The following USP9X variants were observed in gnomAD, a reference collection of about 807,000 sequenced individuals.
The protein encoded by USP9X is ubiquitin specific peptidase 9 X-linked.
Under a neutral mutation model 190.3 loss-of-function variants are expected in USP9X, and 7 were observed. The observed-to-expected ratio is 0.04, with a 90% CI of 0.02 to 0.07. The LOEUF (loss-of-function observed/expected upper bound fraction) is 0.07. Ranked by LOEUF, USP9X falls within the 10% of genes least tolerant of loss-of-function variation. The probability of loss-of-function intolerance (pLI) is 1.00; values close to 1 mark genes in which losing one functional copy is unlikely to be tolerated. For missense variants in USP9X, 1,010 were observed against 1,916.9 expected, an observed-to-expected ratio of 0.53 and a Z score of 8.83; for synonymous variants, 645 against 659.5, an observed-to-expected ratio of 0.98 and a Z score of 0.34.
chrX:41,145,836 G>A (rs2062459462), intron 11 of USP9X, among the ~76,000 whole-genome samples: 1 of 111,659 alleles, frequency 9.0e-6, no homozygotes, highest in Admixed American at 9.5e-5. Context: ...AAGCCCAAGA[G>A]TCTGTATTTT....
rs769975681 is a variant in USP9X at position 41,186,499 on chromosome X, A to G, written c.3559-18A>G. ...GTACAAATTATTTACTCCAAATAAA[A>G]TGGTTAACTTTTTTCAGATCAACCA... On this transcript the variant is annotated intron_variant, in intron 23 of 44. Transcript: ENST00000378308. 2.5e-6 allele frequency: 3 copies of G among 1,210,246 alleles called. No individual in the cohort carries two copies. The highest frequency in any genetic ancestry group is 1.1e-6 in the Non-Finnish European group (1 of 894,309).
intron 1 of USP9X, among the ~76,000 whole-genome samples, chrX:41,112,544 T>C (rs911041112): frequency 8.9e-6 from 1 of 111,979 alleles, no homozygotes; most frequent in African/African-American, 3.2e-5. Flanking sequence ...CTGTTGTGCT[T>C]GATACACAAG....
chrX:41,163,734 C>CA lies in USP9X; in HGVS notation c.1985+873dup, dbSNP rs771852864. Among the ~76,000 whole-genome samples the CA allele has an allele frequency of 3.2e-3, 256 of 79,360 alleles. 1 individual carries two copies. The highest frequency in any genetic ancestry group is 0.015 in the East Asian group (37 of 2,462). The allele number at this position is 79,360 out of a possible 115,157, so 68.9% of individuals were successfully genotyped here. On this transcript the variant is annotated intron_variant, in intron 15 of 44. Coordinates refer to ENST00000378308, the MANE Select transcript of USP9X (RefSeq NM_001039591.3). ...CACCACTGCACTCCAGACCCTGTCT[C>CA]AAAAAAAAAAAAAAAATTTTTTTTT...
intron 31 of USP9X, 178 bp from the exon 32 acceptor site, chrX:41,205,125 A>G (rs754314823): frequency 2.6e-6 from 1 of 385,675 alleles, no homozygotes; most frequent in Non-Finnish European, 4.4e-6. Context: ...TTTGGTTATG[A>G]TAACTAATAT....
At chrX:41,207,577 C>G (rs1215782458) in intron 32 of USP9X, among the ~76,000 whole-genome samples, 1 of 111,584 alleles carries the variant, frequency 9.0e-6, no homozygotes, top group Admixed American at 9.5e-5. Context: ...ATGCACTGTG[C>G]TAAAATAACT....
chrX:41,205,180 T>C (rs2063080202), intron 31 of USP9X, 123 bp from the exon 32 acceptor site: 1 of 540,294 alleles, frequency 1.9e-6, no homozygotes, highest in African/African-American at 2.4e-5. Flanking sequence ...AATTTATAAA[T>C]TGAAAAGTGC....
chrX:41,224,941 C>T lies in USP9X; in HGVS notation c.6951C>T (p.Val2317=), dbSNP rs745689702. The change falls in exon 40 of 45, where the codon GTC becomes GTT. Residue 2317 remains valine, a synonymous_variant. Coordinates refer to ENST00000378308, the MANE Select transcript of USP9X (RefSeq NM_001039591.3). ...AGAATCCTCAGTTCTCATCTACTGT[C>T]CTCAGTGAACTTCTCTGGCAGGTAA... ...CWENPQFSST[V]LSELLWQVAY... is the part of the protein sequence containing the mutation. 1.7e-5 allele frequency: 21 copies of T among 1,210,411 alleles called. No individual in the cohort carries two copies. In the Admixed American group the frequency reaches 4.6e-4, roughly 26 times the overall value.
chrX:41,098,958 C>T (rs1275694391), intron 1 of USP9X, among the ~76,000 whole-genome samples: 2 of 109,597 alleles, frequency 1.8e-5, no homozygotes, highest in Admixed American at 2.0e-4. Flanking sequence ...CAGGGTCTTG[C>T]TCTATCACTC....
At chrX:41,092,478 T>C (rs1334662466) in intron 1 of USP9X, among the ~76,000 whole-genome samples, 1 of 111,269 alleles carries the variant, frequency 9.0e-6, no homozygotes, top group Non-Finnish European at 1.9e-5. Flanking sequence ...AGGTGTAGTG[T>C]ACAAAGTTTT....
intron 11 of USP9X, among the ~76,000 whole-genome samples, chrX:41,145,509 A>G (rs142702896): frequency 6.2e-5 from 7 of 112,166 alleles, no homozygotes; most frequent in East Asian, 2.8e-4. Flanking sequence ...ATACAGTGCA[A>G]TATTTCACGG....
intron 1 of USP9X, among the ~76,000 whole-genome samples, chrX:41,099,273 A>T (rs2062018845): frequency 9.2e-6 from 1 of 108,969 alleles, no homozygotes; most frequent in Non-Finnish European, 1.9e-5. Flanking sequence ...TGTTTTCACC[A>T]ATATAAAGAA....
intron 44 of USP9X, among the ~76,000 whole-genome samples, chrX:41,232,160 C>G (rs1342480824): frequency 8.9e-6 from 1 of 111,855 alleles, no homozygotes; most frequent in African/African-American, 3.2e-5. Flanking sequence ...TGGACCTACA[C>G]AATCACTGCT....
intron 1 of USP9X, among the ~76,000 whole-genome samples, chrX:41,087,887 TG>T (rs1194279237): frequency 8.9e-6 from 1 of 112,339 alleles, no homozygotes; most frequent in African/African-American, 3.2e-5. Flanking sequence ...CAACAGTACA[TG>T]TGAGAATCTT....
At chrX:41,125,680 A>ACTCTCTCTCTCT (rs1270231301) in intron 2 of USP9X, among the ~76,000 whole-genome samples, 6 of 26,641 alleles carry the variant, frequency 2.3e-4, no homozygotes, top group South Asian at 1.9e-3. Flanking sequence ...ACACACACAC[A>ACTCTCTCTCTCT]CACACTCTCT....
intron 41 of USP9X, among the ~76,000 whole-genome samples, chrX:41,227,968 G>A (rs1476629153): frequency 8.9e-6 from 1 of 111,993 alleles, no homozygotes; most frequent in East Asian, 2.8e-4. Flanking sequence ...CCGAAGTGCT[G>A]GGATTACAGA....
intron 13 of USP9X, among the ~76,000 whole-genome samples, chrX:41,152,691 G>A (rs1332251207): frequency 8.9e-6 from 1 of 111,818 alleles, no homozygotes; most frequent in Non-Finnish European, 1.9e-5. Context: ...ATAGACATTA[G>A]TCATTGAGGT....
chrX:41,193,166 A>C (rs1486349850), intron 26 of USP9X, among the ~76,000 whole-genome samples: 1 of 110,884 alleles, frequency 9.0e-6, no homozygotes. Context: ...TGTAGGGAGT[A>C]AAGTCAGAGA....
chrX:41,218,360 G>A lies in USP9X; in HGVS notation c.6210-12G>A. ...TGACTTAATAGTCATAGGTTTTTTT[G>A]TTTTATTTTAGGTATGATGCATTGT... is the stretch of plus-strand genomic sequence containing the variant. On this transcript the variant is annotated splice_polypyrimidine_tract_variant and intron_variant, in intron 36 of 44. Coordinates refer to ENST00000378308, the MANE Select transcript of USP9X (RefSeq NM_001039591.3). The A allele has an allele frequency of 8.3e-7, 1 of 1,201,003 alleles. No homozygotes were observed. Among genetic ancestry groups the A allele is most frequent in the South Asian group, 1.8e-5 (1 of 55,531 alleles).
At chrX:41,158,400 T>C (rs1601980654) in intron 14 of USP9X, among the ~76,000 whole-genome samples, 1 of 111,232 alleles carries the variant, frequency 9.0e-6, no homozygotes, top group Middle Eastern at 4.6e-3. Context: ...ATCAGAAACA[T>C]TGAGGCCAGA....
Sources: gnomAD v4.1 joint callset for allele counts (sites outside exome capture counted in the v4.1 genomes callset) on GRCh38, gnomAD v4.1.1 for gene constraint, MANE v1.5 for transcripts, NCBI Gene and HGNC (gene_info 2026-07-23, HGNC 2026-07-21) for gene names.